Variants in ABL2 observed in about 807,000 individuals in gnomAD.
ABL2 encodes the protein tyrosine-protein kinase ABL2.
In ABL2, 49 loss-of-function variants were observed where a neutral mutation model predicts 107.7. That is an observed-to-expected ratio of 0.45 (90% CI 0.36 to 0.58). The LOEUF (loss-of-function observed/expected upper bound fraction) is 0.58. ABL2 is among the 20% of genes least tolerant of loss of function. The pLI is 0.00. For synonymous variants in ABL2, 549 were observed against 548.6 expected, an observed-to-expected ratio of 1.00 and a Z score of -0.01; for missense variants, 1,245 against 1,457.0, an observed-to-expected ratio of 0.85 and a Z score of 2.37.
chr1:179,127,929 G>T (rs1173112634), intron 3 of ABL2, among the ~76,000 whole-genome samples: 1 of 151,928 alleles, frequency 6.6e-6, no homozygotes, highest in East Asian at 1.9e-4. Flanking sequence ...CAGCTACTCG[G>T]GAGGCTGAGG....
intron 1 of ABL2, 71 bp downstream of exon 1, chr1:179,229,170 G>GGCCCCCCCCCCCCCCCCCCCCCCCCC: frequency 1.5e-5 from 4 of 266,256 alleles, no homozygotes; most frequent in East Asian, 9.4e-5. Context: ...CAGCCCGTCC[G>GGCCCCCCCCCCCCCCCCCCCCCCCCC]CCACCCACCC....
chr1:179,190,092 C>G (rs1660915289), intron 1 of ABL2, among the ~76,000 whole-genome samples: 1 of 152,116 alleles, frequency 6.6e-6, no homozygotes, highest in African/African-American at 2.4e-5. Context: ...GCTGGGATTA[C>G]AGGCGTGAGC....
intron 1 of ABL2, among the ~76,000 whole-genome samples, chr1:179,187,885 T>C (rs1470148401): frequency 1.3e-5 from 2 of 152,166 alleles, no homozygotes; most frequent in East Asian, 3.9e-4. Context: ...CTGAACCCTA[T>C]AAACTCTCCA....
intron 1 of ABL2, among the ~76,000 whole-genome samples, chr1:179,218,350 A>G (rs1016551323): frequency 5.9e-5 from 9 of 152,176 alleles, no homozygotes; most frequent in African/African-American, 2.2e-4. Flanking sequence ...GAGTTAGTAC[A>G]TTACATCCTG....
intron 1 of ABL2, among the ~76,000 whole-genome samples, chr1:179,212,699 C>A (rs1220480919): frequency 2.1e-5 from 3 of 144,542 alleles, no homozygotes; most frequent in African/African-American, 2.6e-5. Context: ...TGCCATTGCA[C>A]TCCAGCCTGA....
intron 1 of ABL2, among the ~76,000 whole-genome samples, chr1:179,210,503 C>CAAAAAAAAAAAAAAAAAA (rs113814284): frequency 1.1e-5 from 1 of 94,118 alleles, no homozygotes; most frequent in Non-Finnish European, 2.0e-5. Context: ...CTCTAACTCA[C>CAAAAAAAAAAAAAAAAAA]AAAAAAAAAA....
intron 1 of ABL2, among the ~76,000 whole-genome samples, chr1:179,181,375 A>G (rs1161572819): frequency 2.0e-5 from 3 of 152,206 alleles, no homozygotes; most frequent in Non-Finnish European, 4.4e-5. Context: ...ATAAGTTACT[A>G]ACTTTCAGAA....
At chr1:179,220,682 T>C (rs1365587826) in intron 1 of ABL2, among the ~76,000 whole-genome samples, 2 of 152,262 alleles carry the variant, frequency 1.3e-5, no homozygotes, top group Non-Finnish European at 2.9e-5. Context: ...AAGCAGTATA[T>C]GGCAGGATTT....
At chr1:179,167,148 C>T (rs1217795992) in intron 1 of ABL2, among the ~76,000 whole-genome samples, 1 of 152,072 alleles carries the variant, frequency 6.6e-6, no homozygotes, top group Admixed American at 6.5e-5. Context: ...TGGAATTAAC[C>T]TAAGTGTCTA....
At position 179,198,805 on chromosome 1, in the gene ABL2, A is replaced by G. The variant is rs1459700986; in HGVS notation, c.157+30436T>C. Among the ~76,000 whole-genome samples, 5 of 151,440 alleles carry G rather than the reference A, an allele frequency of 3.3e-5. No individual in the cohort carries two copies. In the East Asian group the frequency reaches 7.7e-4, roughly 23 times the overall value. On this transcript the variant is annotated intron_variant, in intron 1 of 11. Transcript: ENST00000502732. Reference sequence around the variant, plus strand: ...TGAAAACATGAATTCTAGGAATGCTAATAGGGTATCATGTCTATAAATTTA... The same window carrying G: ...TGAAAACATGAATTCTAGGAATGCTGATAGGGTATCATGTCTATAAATTTA...
At chr1:179,174,530 A>G (rs868341611) in intron 1 of ABL2, among the ~76,000 whole-genome samples, 2 of 151,726 alleles carry the variant, frequency 1.3e-5, no homozygotes, top group African/African-American at 4.8e-5. Context: ...AAATATATAT[A>G]TGTGTGTGTA....
At position 179,155,734 on chromosome 1, in the gene ABL2, T is replaced by TA. The variant is rs58943276; in HGVS notation, c.158-22361dup. 3.1e-3 allele frequency among the ~76,000 whole-genome samples: 417 copies of TA among 132,618 alleles called. 1 individual carries two copies. Among genetic ancestry groups the TA allele is most frequent in the South Asian group, 0.015 (59 of 4,010 alleles). The allele number at this position is 132,618 out of a possible 152,430, so 87.0% of individuals were successfully genotyped here. ...AGACAGAGCAAGACTCCATCTCAATTAAAAAAAAAAAAAAAAAATTATACA... is the reference window on the plus strand; with the variant it reads ...AGACAGAGCAAGACTCCATCTCAATTAAAAAAAAAAAAAAAAAAATTATACA... On this transcript the variant is annotated intron_variant, in intron 1 of 11. Transcript: ENST00000502732.
rs1466338025 is a variant in ABL2, at chr1:179,229,646, G to A, written c.-249C>T. 1.0e-5 allele frequency: 5 copies of A among 495,852 alleles called. No individual in the cohort carries two copies. The highest frequency in any genetic ancestry group is 2.9e-5 in the South Asian group (1 of 34,220). The allele number at this position is 495,852 out of a possible 1,614,324, so 30.7% of individuals were successfully genotyped here. On this transcript the variant is annotated 5_prime_UTR_variant, in exon 1 of 12. Transcript: ENST00000502732. ...CCGCGCCCCCAACGCCGCCGCCGCCGCCGCCGCCACCGCCGCCGCCATCTT... is the reference window on the plus strand; with the variant it reads ...CCGCGCCCCCAACGCCGCCGCCGCCACCGCCGCCACCGCCGCCGCCATCTT...
At chr1:179,114,365 G>A (rs573147521) in intron 9 of ABL2, among the ~76,000 whole-genome samples, 1,294 of 21,400 alleles carry the variant, frequency 0.06, 45 homozygotes, top group Admixed American at 0.22. Context: ...CCGAAATCAC[G>A]TCACTGAGCC....
intron 1 of ABL2, among the ~76,000 whole-genome samples, chr1:179,156,141 G>C (rs116588780): frequency 6.6e-6 from 1 of 152,298 alleles, no homozygotes; most frequent in African/African-American, 2.4e-5. Context: ...GGTTCTTCTT[G>C]TTTCAGACCT....
At chr1:179,130,726 TTGTGTGTGTGTGTGTGTGTGTGTGTG>T (rs10643666) in intron 3 of ABL2, among the ~76,000 whole-genome samples, 3 of 142,722 alleles carry the variant, frequency 2.1e-5, no homozygotes, top group Non-Finnish European at 4.6e-5. Context: ...ATTATTGATT[TTGTGTGTGTGTGTGTGTGTGTGTGTG>T]TGTGTGTGTG....
intron 8 of ABL2, 48 bp downstream of exon 8, chr1:179,117,284 T>TAAA: frequency 7.9e-7 from 1 of 1,261,596 alleles, no homozygotes; most frequent in Non-Finnish European, 1.1e-6. Context: ...AAGGCATTTA[T>TAAA]AAAAAAAAAA....
intron 6 of ABL2, 34 bp downstream of exon 6, chr1:179,120,156 G>A: frequency 7.0e-7 from 1 of 1,424,030 alleles, no homozygotes; most frequent in South Asian, 1.3e-5. Flanking sequence ...AAGCATTTTT[G>A]GAGGAAATCT....
chr1:179,143,028 A>C, intron 1 of ABL2: 1 of 1,614,208 alleles, frequency 6.2e-7, no homozygotes, highest in Middle Eastern at 1.6e-4. Context: ...TGGAAGGAGA[A>C]CTGTCCCAAG....
Sources: allele counts gnomAD v4.1 joint callset (sites outside exome capture counted in the v4.1 genomes callset), GRCh38; gene constraint gnomAD v4.1.1; transcripts MANE v1.5; gene names NCBI Gene and HGNC (gene_info 2026-07-23, HGNC 2026-07-21).